Variants in PLCB1 observed in about 807,000 individuals in gnomAD.
PLCB1 encodes the protein 1-phosphatidylinositol 4,5-bisphosphate phosphodiesterase beta-1.
Under a neutral mutation model 161.8 loss-of-function variants are expected in PLCB1, and 46 were observed. The ratio of observed to expected loss-of-function variants is 0.28; its 90% CI spans 0.22 to 0.36. The LOEUF is 0.36. Ranked by LOEUF, PLCB1 falls within the 10% of genes least tolerant of loss-of-function variation. PLCB1 has a pLI of 1.00. For synonymous variants in PLCB1, 517 were observed against 503.7 expected (o/e 1.03, Z -0.35); for missense variants, 1,016 against 1,472.5 (o/e 0.69, Z 5.07).
intron 3 of PLCB1, among the ~76,000 whole-genome samples, chr20:8,614,586 G>C (rs1381425798): frequency 2.2e-4 from 3 of 13,750 alleles, no homozygotes; most frequent in Admixed American, 1.2e-3. Context: ...GTAAAATTCT[G>C]TGTGTGTGTG....
chr20:8,420,942 C>A, intron 3 of PLCB1, among the ~76,000 whole-genome samples: 1 of 151,884 alleles, frequency 6.6e-6, no homozygotes, highest in South Asian at 2.1e-4. Context: ...TTTTAAATAC[C>A]CTGATGGAAT....
rs558833840 is a variant in PLCB1 at position 8,684,627 on chromosome 20, T to C, written c.863-305T>C. ...AATTCTATTACACAGAGATAAGCAC[T>C]GATAACATTTTAGTGCCGATCCATA... On this transcript the variant is annotated intron_variant, in intron 9 of 31. Transcript: ENST00000338037. 1.1e-4 allele frequency among the ~76,000 whole-genome samples: 17 copies of C among 152,256 alleles called. No homozygotes were observed. In the South Asian group the frequency reaches 3.5e-3, roughly 32 times the overall value.
At chr20:8,798,778 G>C (rs1394919394) in intron 31 of PLCB1, among the ~76,000 whole-genome samples, 1 of 152,130 alleles carries the variant, frequency 6.6e-6, no homozygotes, top group East Asian at 1.9e-4. Flanking sequence ...AATCTCCATG[G>C]AACCCACAAT....
intron 3 of PLCB1, among the ~76,000 whole-genome samples, chr20:8,439,387 T>C (rs138061311): frequency 4.1e-4 from 62 of 152,264 alleles, no homozygotes; most frequent in African/African-American, 8.4e-4. Context: ...CTTCAAAAGA[T>C]GGCAGGATGT....
chr20:8,473,237 A>G (rs1982130518), intron 3 of PLCB1, among the ~76,000 whole-genome samples: 1 of 152,172 alleles, frequency 6.6e-6, no homozygotes, highest in Non-Finnish European at 1.5e-5. Flanking sequence ...TTGCTTTTTT[A>G]TATTTACAGT....
intron 1 of PLCB1, among the ~76,000 whole-genome samples, chr20:8,148,496 T>C (rs1183291224): frequency 6.6e-6 from 1 of 152,160 alleles, no homozygotes; most frequent in Non-Finnish European, 1.5e-5. Flanking sequence ...TAAAACAGAA[T>C]GGCAGTTCCT....
At chr20:8,184,446 A>G (rs2051879007) in intron 2 of PLCB1, among the ~76,000 whole-genome samples, 1 of 152,138 alleles carries the variant, frequency 6.6e-6, no homozygotes, top group Non-Finnish European at 1.5e-5. Flanking sequence ...TAATTTTGTT[A>G]TGAAAGACAA....
chr20:8,150,020 A>T (rs1023734991), intron 1 of PLCB1, among the ~76,000 whole-genome samples: 1 of 152,146 alleles, frequency 6.6e-6, no homozygotes, highest in Non-Finnish European at 1.5e-5. Flanking sequence ...AGCTAAATAT[A>T]GATTTTTAAT....
chr20:8,851,431 T>C (rs976147681), intron 31 of PLCB1, among the ~76,000 whole-genome samples: 1 of 152,264 alleles, frequency 6.6e-6, no homozygotes, highest in East Asian at 1.9e-4. Context: ...AGGTAGTCAT[T>C]GCTTGAAGAT....
intron 8 of PLCB1, among the ~76,000 whole-genome samples, chr20:8,658,074 A>G (rs974013437): frequency 7.9e-5 from 12 of 152,282 alleles, no homozygotes; most frequent in African/African-American, 2.9e-4. Flanking sequence ...ATGTTGAGGA[A>G]TTATACTCTC....
At chr20:8,684,236 ATT>A (rs772158293) in intron 9 of PLCB1, among the ~76,000 whole-genome samples, 4 of 144,770 alleles carry the variant, frequency 2.8e-5, no homozygotes, top group Non-Finnish European at 6.1e-5. Flanking sequence ...TAAATTATTT[ATT>A]TATTTATTTA....
intron 27 of PLCB1, among the ~76,000 whole-genome samples, chr20:8,787,315 G>A (rs548192697): frequency 6.6e-6 from 1 of 152,320 alleles, no homozygotes; most frequent in East Asian, 1.9e-4. Context: ...GATTTCTGTG[G>A]CTCCACCTCA....
intron 2 of PLCB1, among the ~76,000 whole-genome samples, chr20:8,318,034 T>G (rs1398999275): frequency 6.6e-6 from 1 of 151,894 alleles, no homozygotes; most frequent in Non-Finnish European, 1.5e-5. Context: ...CTCAACTTCT[T>G]TATTGGAATA....
chr20:8,805,929 T>C (rs1005571295), intron 31 of PLCB1, among the ~76,000 whole-genome samples: 2 of 152,172 alleles, frequency 1.3e-5, no homozygotes, highest in South Asian at 4.1e-4. Context: ...AGCATATCTC[T>C]TTGAGTGGCT....
intron 2 of PLCB1, among the ~76,000 whole-genome samples, chr20:8,209,530 A>G (rs899276160): frequency 6.6e-6 from 1 of 152,292 alleles, no homozygotes; most frequent in Middle Eastern, 3.4e-3. Flanking sequence ...TTATTTCCTT[A>G]AACTTATTTG....
intron 2 of PLCB1, among the ~76,000 whole-genome samples, chr20:8,253,695 A>C (rs1981268660): frequency 6.6e-6 from 1 of 151,938 alleles, no homozygotes; most frequent in East Asian, 1.9e-4. Context: ...CCTAATGATG[A>C]GGTTTTGGGT....
chr20:8,448,840 G>T (rs932495382), intron 3 of PLCB1, among the ~76,000 whole-genome samples: 1 of 152,148 alleles, frequency 6.6e-6, no homozygotes, highest in Non-Finnish European at 1.5e-5. Flanking sequence ...ATAGTTTAAG[G>T]TCACACAGAT....
chr20:8,870,487 C>T (rs570842175), intron 31 of PLCB1, among the ~76,000 whole-genome samples: 50 of 152,074 alleles, frequency 3.3e-4, no homozygotes, highest in African/African-American at 1.2e-3. Flanking sequence ...TCCTCTGTGG[C>T]GGTTTCATGG....
At chr20:8,517,678 G>T (rs1984187854) in intron 3 of PLCB1, among the ~76,000 whole-genome samples, 1 of 152,154 alleles carries the variant, frequency 6.6e-6, no homozygotes, top group South Asian at 2.1e-4. Flanking sequence ...AATAGGATGG[G>T]ACCGGGGCTC....
Sources: gnomAD v4.1 joint callset for allele counts (sites outside exome capture counted in the v4.1 genomes callset) on GRCh38, gnomAD v4.1.1 for gene constraint, MANE v1.5 for transcripts, NCBI Gene and HGNC (gene_info 2026-07-23, HGNC 2026-07-21) for gene names.